The following LRP1B variants were observed in gnomAD, a reference collection of about 807,000 sequenced individuals.
The protein encoded by LRP1B is LDL receptor related protein 1B.
Under a neutral mutation model 556.6 loss-of-function variants are expected in LRP1B, and 217 were observed. The ratio of observed to expected loss-of-function variants is 0.39; its 90% CI spans 0.35 to 0.44. The LOEUF is 0.44. Among genes scored for constraint, LRP1B ranks in the 20% least tolerant of loss-of-function variants. The pLI is 1.00. For synonymous variants in LRP1B, 2,047 were observed against 1,865.8 expected (o/e 1.10, Z -2.50); for missense variants, 5,053 against 5,620.8 (o/e 0.90, Z 3.23).
rs72986519 is a variant in LRP1B at position 141,925,666 on chromosome 2, C to T, written c.83-115265G>A. 1.0e-2 allele frequency among the ~76,000 whole-genome samples: 1,517 copies of T among 152,238 alleles called. 24 individuals are homozygous for T. Among genetic ancestry groups the T allele is most frequent in the African/African-American group, 0.035 (1,437 of 41,546 alleles). ...TAGCCTGGGGTCAGGAAGTTCTGAG[C>T]TGCTCAATATTTCTATTACATTAAT... is the stretch of plus-strand genomic sequence containing the variant. On this transcript the variant is annotated intron_variant, in intron 1 of 90. Transcript: ENST00000389484.
intron 2 of LRP1B, among the ~76,000 whole-genome samples, chr2:141,787,705 T>G (rs552484422): frequency 6.6e-6 from 1 of 151,960 alleles, no homozygotes; most frequent in Admixed American, 6.6e-5. Flanking sequence ...ATACTAAAAG[T>G]TTTTTTACTG....
chr2:141,036,875 G>A (rs1698548891), intron 11 of LRP1B, among the ~76,000 whole-genome samples: 2 of 152,030 alleles, frequency 1.3e-5, no homozygotes, highest in Admixed American at 1.3e-4. Flanking sequence ...AAAGACAATT[G>A]CTGCCCTGGG....
chr2:141,500,266 T>C (rs1683666106), intron 2 of LRP1B, among the ~76,000 whole-genome samples: 1 of 152,126 alleles, frequency 6.6e-6, no homozygotes, highest in African/African-American at 2.4e-5. Context: ...TGCTTTGTCT[T>C]GTCACATCTC....
chr2:141,895,847 C>G (rs954342517), intron 1 of LRP1B, among the ~76,000 whole-genome samples: 17 of 151,984 alleles, frequency 1.1e-4, no homozygotes, highest in Admixed American at 9.8e-4. Flanking sequence ...TCCGACCTGC[C>G]CTGTGCCCTC....
At chr2:140,627,071 C>T (rs1192088034) in intron 41 of LRP1B, among the ~76,000 whole-genome samples, 1 of 152,124 alleles carries the variant, frequency 6.6e-6, no homozygotes, top group Non-Finnish European at 1.5e-5. Flanking sequence ...GTCCTAGCTG[C>T]CTTTTTGGAC....
chr2:140,284,741 G>A (rs983224), intron 84 of LRP1B, among the ~76,000 whole-genome samples: 46,711 of 149,718 alleles, frequency 0.31, 7,507 homozygotes, highest in Admixed American at 0.39. Context: ...TTTTTTCAAT[G>A]TTACAATGCA....
chr2:140,517,237 T>A (rs1441655277), intron 49 of LRP1B, among the ~76,000 whole-genome samples: 1 of 152,140 alleles, frequency 6.6e-6, no homozygotes, highest in Non-Finnish European at 1.5e-5. Flanking sequence ...CAATCCAGGA[T>A]TGAGTCCTAG....
intron 1 of LRP1B, among the ~76,000 whole-genome samples, chr2:141,964,544 G>T (rs1393485948): frequency 6.6e-6 from 1 of 151,966 alleles, no homozygotes; most frequent in Non-Finnish European, 1.5e-5. Context: ...CTAGCCATAT[G>T]TACAAAGCTG....
intron 43 of LRP1B, among the ~76,000 whole-genome samples, chr2:140,587,510 G>T (rs1026115763): frequency 1.3e-5 from 2 of 152,146 alleles, no homozygotes; most frequent in African/African-American, 4.8e-5. Flanking sequence ...CTCACACGTG[G>T]TATCTAAAAA....
intron 5 of LRP1B, among the ~76,000 whole-genome samples, chr2:141,237,682 A>C (rs1361611626): frequency 6.6e-6 from 1 of 152,186 alleles, no homozygotes; most frequent in African/African-American, 2.4e-5. Context: ...ATAATTGAGA[A>C]GCAATTCAGT....
At chr2:141,015,233 A>G (rs1697868147) in intron 13 of LRP1B, among the ~76,000 whole-genome samples, 1 of 152,114 alleles carries the variant, frequency 6.6e-6, no homozygotes, top group Non-Finnish European at 1.5e-5. Flanking sequence ...ACCTCTTCAT[A>G]CCAATAAGCT....
intron 37 of LRP1B, among the ~76,000 whole-genome samples, chr2:140,709,982 T>A (rs1460844350): frequency 1.3e-5 from 2 of 152,090 alleles, no homozygotes; most frequent in African/African-American, 4.8e-5. Context: ...AACATTTAAA[T>A]GAGTGTATCT....
intron 1 of LRP1B, among the ~76,000 whole-genome samples, chr2:142,116,356 G>A (rs1707276886): frequency 6.6e-6 from 1 of 151,996 alleles, no homozygotes; most frequent in South Asian, 2.1e-4. Flanking sequence ...ATTTGATCAT[G>A]AGAAAACATC....
chr2:141,467,863 C>A (rs1682305758), intron 3 of LRP1B, among the ~76,000 whole-genome samples: 1 of 141,160 alleles, frequency 7.1e-6, no homozygotes, highest in African/African-American at 2.7e-5. Flanking sequence ...TTCCAGCATA[C>A]AGTGTAGCAC....
At chr2:141,298,342 T>A (rs1686260160) in intron 3 of LRP1B, among the ~76,000 whole-genome samples, 1 of 152,156 alleles carries the variant, frequency 6.6e-6, no homozygotes, top group Admixed American at 6.5e-5. Context: ...CTGGCCACTC[T>A]AGAAAAACTA....
At chr2:140,887,818 C>T (rs1461002555) in intron 23 of LRP1B, among the ~76,000 whole-genome samples, 4 of 152,082 alleles carry the variant, frequency 2.6e-5, no homozygotes, top group South Asian at 2.1e-4. Flanking sequence ...TGCATGATTA[C>T]ATTTATATGA....
chr2:140,486,339 C>T (rs1238012030), intron 58 of LRP1B, among the ~76,000 whole-genome samples: 1 of 151,882 alleles, frequency 6.6e-6, no homozygotes, highest in Admixed American at 6.6e-5. Context: ...GCAATATGCA[C>T]ATTTGTAACA....
At chr2:140,877,588 A>G (rs1693349179) in intron 25 of LRP1B, among the ~76,000 whole-genome samples, 2 of 152,288 alleles carry the variant, frequency 1.3e-5, no homozygotes, top group South Asian at 2.1e-4. Flanking sequence ...CCTGCCTCCC[A>G]TCAGTTCAAA....
At chr2:140,395,881 A>T (rs973814595) in intron 66 of LRP1B, among the ~76,000 whole-genome samples, 8 of 151,126 alleles carry the variant, frequency 5.3e-5, no homozygotes, top group African/African-American at 1.7e-4. Context: ...AGAATTTGTG[A>T]TTTTTTTTTC....
Sources: gnomAD v4.1 joint callset for allele counts (sites outside exome capture counted in the v4.1 genomes callset) on GRCh38, gnomAD v4.1.1 for gene constraint, MANE v1.5 for transcripts, NCBI Gene and HGNC (gene_info 2026-07-23, HGNC 2026-07-21) for gene names.